The following STAMBP variants were observed in gnomAD, a reference collection of about 807,000 sequenced individuals.
STAMBP encodes the protein STAM binding protein.
STAMBP carries 31 observed loss-of-function variants against 50.7 expected under a neutral mutation model. The observed-to-expected ratio is 0.61, with a 90% CI of 0.46 to 0.83. The LOEUF (loss-of-function observed/expected upper bound fraction) is 0.83, where lower values mean the gene tolerates loss of function less well. Ranked by LOEUF, STAMBP falls within the 40% of genes least tolerant of loss-of-function variation. STAMBP has a pLI of 0.00. For missense variants in STAMBP, 472 were observed against 518.9 expected, an observed-to-expected ratio of 0.91 and a Z score of 0.88; for synonymous variants, 211 against 192.4, an observed-to-expected ratio of 1.10 and a Z score of -0.80.
chr2:73,847,873 C>A, intron 5 of STAMBP, 120 bp downstream of exon 5: 1 of 1,313,114 alleles, frequency 7.6e-7, no homozygotes, highest in Non-Finnish European at 1.0e-6. Flanking sequence ...CACAGAAACC[C>A]ATCTGATAAG....
chr2:73,861,275 T>C (rs1678289306), intron 9 of STAMBP, among the ~76,000 whole-genome samples: 2 of 152,158 alleles, frequency 1.3e-5, no homozygotes. Context: ...TTAATATATA[T>C]TTTAGGGATG....
intron 10 of STAMBP, among the ~76,000 whole-genome samples, chr2:73,872,819 ATAAAT>A (rs939746327): frequency 7.2e-5 from 11 of 152,224 alleles, no homozygotes; most frequent in African/African-American, 2.7e-4. Context: ...GAAAGAGAAA[ATAAAT>A]TGAAAGTGGG....
rs1171773508 is a variant in STAMBP at position 73,859,167 on chromosome 2, C to T, written c.1006-87C>T. ...TTCAGATTGCAGTTGATATGGATAG[C>T]TTTAAACCTCAGAAAGGGAATCGCA... is the stretch of plus-strand genomic sequence containing the variant. On this transcript the variant is annotated intron_variant, in intron 7 of 9. Transcript: ENST00000394070. The T allele has an allele frequency of 5.8e-6, 6 of 1,031,914 alleles. No homozygotes were observed. In the African/African-American group the frequency reaches 7.8e-5, roughly 13 times the overall value. 63.9% of individuals were successfully genotyped at this position (1,031,914 alleles called of 1,614,324 possible).
intron 7 of STAMBP, chr2:73,855,672 G>T: frequency 2.2e-6 from 1 of 456,078 alleles, no homozygotes; most frequent in South Asian, 1.5e-5. Flanking sequence ...GAAGACTTGT[G>T]TGTGGATTTG....
At chr2:73,861,098 C>T (rs1293357897) in intron 9 of STAMBP, among the ~76,000 whole-genome samples, 1 of 152,066 alleles carries the variant, frequency 6.6e-6, no homozygotes, top group African/African-American at 2.4e-5. Flanking sequence ...ACTACACAAT[C>T]AGAAAAAAAG....
chr2:73,838,304 A>G (rs905835641), intron 2 of STAMBP, among the ~76,000 whole-genome samples: 2 of 152,230 alleles, frequency 1.3e-5, no homozygotes, highest in South Asian at 2.1e-4. Context: ...ACTGGTTCCA[A>G]TGACACTTTA....
At chr2:73,848,914 G>C (rs1676459406) in intron 5 of STAMBP, among the ~76,000 whole-genome samples, 1 of 151,856 alleles carries the variant, frequency 6.6e-6, no homozygotes, top group Non-Finnish European at 1.5e-5. Flanking sequence ...TTAAGTTTTT[G>C]TGGGTACATA....
intron 2 of STAMBP, among the ~76,000 whole-genome samples, chr2:73,838,369 C>G (rs1674981183): frequency 6.6e-6 from 1 of 152,072 alleles, no homozygotes; most frequent in South Asian, 2.1e-4. Flanking sequence ...GTTTGCCAAC[C>G]CCGGTATAGA....
intron 2 of STAMBP, among the ~76,000 whole-genome samples, chr2:73,838,466 A>G (rs978472342): frequency 2.6e-5 from 4 of 152,128 alleles, no homozygotes; most frequent in African/African-American, 9.7e-5. Flanking sequence ...GAACATGTGT[A>G]TGTATTTTAA....
At chr2:73,859,390 G>C (rs752887039) in intron 8 of STAMBP, 24 bp downstream of exon 8, 1 of 1,595,106 alleles carries the variant, frequency 6.3e-7, no homozygotes, top group South Asian at 1.1e-5. Flanking sequence ...GCATGGTTCT[G>C]GGTGTTTCAA....
At chr2:73,840,404 A>T (rs1394540736) in intron 2 of STAMBP, among the ~76,000 whole-genome samples, 1 of 147,930 alleles carries the variant, frequency 6.8e-6, no homozygotes, top group Non-Finnish European at 1.5e-5. Context: ...TTTTATAATG[A>T]TCTCTAGGAT....
chr2:73,833,164 C>T (rs557298208), intron 2 of STAMBP, among the ~76,000 whole-genome samples: 1 of 152,222 alleles, frequency 6.6e-6, no homozygotes, highest in Non-Finnish European at 1.5e-5. Context: ...CATGTTTTGG[C>T]AGGCTTTAGC....
intron 2 of STAMBP, among the ~76,000 whole-genome samples, chr2:73,832,082 AACAT>A (rs1322535849): frequency 3.3e-4 from 28 of 85,846 alleles, no homozygotes; most frequent in African/African-American, 1.5e-3. Context: ...TTGAGTAGGT[AACAT>A]ATATATATAT....
chr2:73,833,900 A>G (rs1159985994), intron 2 of STAMBP, among the ~76,000 whole-genome samples: 1 of 151,912 alleles, frequency 6.6e-6, no homozygotes, highest in Non-Finnish European at 1.5e-5. Flanking sequence ...GTTAGCACCA[A>G]TCCCCCATGC....
chr2:73,830,578 G>A (rs1359088258), intron 1 of STAMBP, among the ~76,000 whole-genome samples: 1 of 152,226 alleles, frequency 6.6e-6, no homozygotes, highest in African/African-American at 2.4e-5. Context: ...CCTTTGGTTG[G>A]TCCACTGTGG....
chr2:73,850,432 T>C lies in STAMBP; in HGVS notation c.924T>C (p.Ser308=). Residue 308 remains serine, a synonymous_variant, in exon 7 of 10, where the codon TCT becomes TCC. Transcript: ENST00000394070. This position sits in a 1 kb window ranked among gnomAD's most constrained non-coding sequence, Gnocchi z 4.3. The part of the protein sequence containing the change: ...HVLIPKQSAG[S]DYCNTENEEE... ...TCATCCCCAAGCAAAGTGCTGGGTC[T>C]GATTACTGCAACACAGAGAACGAAG... is the stretch of plus-strand genomic sequence containing the variant. The C allele has an allele frequency of 6.2e-7, 1 of 1,613,976 alleles. No individual in the cohort carries two copies. The highest frequency in any genetic ancestry group is 8.5e-7 in the Non-Finnish European group (1 of 1,179,952).
chr2:73,862,176 C>T (rs780626084), intron 9 of STAMBP, 27 bp from the exon 10 acceptor site: 9 of 1,586,450 alleles, frequency 5.7e-6, no homozygotes, highest in African/African-American at 1.4e-5. Context: ...TTTTCTAGGA[C>T]TCCACCTTTC....
chr2:73,861,449 G>A (rs1287318652), intron 9 of STAMBP, among the ~76,000 whole-genome samples: 2 of 152,092 alleles, frequency 1.3e-5, no homozygotes, highest in East Asian at 1.9e-4. Context: ...TTAAATAGCA[G>A]TCTGGCTTCC....
chr2:73,846,977 G>A (rs1184983064), intron 4 of STAMBP, among the ~76,000 whole-genome samples: 2 of 151,832 alleles, frequency 1.3e-5, no homozygotes, highest in Non-Finnish European at 2.9e-5. Context: ...ACCTACTCAG[G>A]AGGCTAAGGT....
Sources: gnomAD v4.1 joint callset for allele counts (sites outside exome capture counted in the v4.1 genomes callset) on GRCh38, gnomAD v4.1.1 for gene constraint, Gnocchi (gnomAD v3.1) non-coding constraint, MANE v1.5 for transcripts, NCBI Gene and HGNC (gene_info 2026-07-23, HGNC 2026-07-21) for gene names.